Variants in MKX observed in about 807,000 individuals in gnomAD.
The protein encoded by MKX is mohawk homeobox, also known as homeobox protein Mohawk.
Under a neutral mutation model 36.0 loss-of-function variants are expected in MKX, and 13 were observed. The observed-to-expected ratio is 0.36, with a 90% CI of 0.24 to 0.57. The LOEUF is 0.57. Among genes scored for constraint, MKX ranks in the 20% least tolerant of loss-of-function variants. The pLI, the probability that MKX is intolerant of heterozygous loss-of-function variation, is 0.79. For synonymous variants in MKX, 176 were observed against 178.3 expected, an observed-to-expected ratio of 0.99 and a Z score of 0.10; for missense variants, 458 against 456.4, an observed-to-expected ratio of 1.00 and a Z score of -0.03.
chr10:27,701,669 AT>A (rs1162051282), intron 5 of MKX, among the ~76,000 whole-genome samples: 2 of 145,322 alleles, frequency 1.4e-5, no homozygotes, highest in Non-Finnish European at 3.0e-5. Flanking sequence ...TTAATATGTT[AT>A]TTTATATTGT....
At chr10:27,705,202 G>A (rs1401114651) in intron 5 of MKX, among the ~76,000 whole-genome samples, 5 of 151,758 alleles carry the variant, frequency 3.3e-5, no homozygotes, top group Non-Finnish European at 7.4e-5. Context: ...AACAGATTCC[G>A]GGCCTACAGA....
At chr10:27,706,474 G>T (rs1427189385) in intron 5 of MKX, among the ~76,000 whole-genome samples, 1 of 151,854 alleles carries the variant, frequency 6.6e-6, no homozygotes, top group African/African-American at 2.4e-5. Context: ...TTCCATAGCT[G>T]TGCCATTTAC....
At chr10:27,711,473 T>TC (rs1836859164) in intron 5 of MKX, among the ~76,000 whole-genome samples, 3 of 7,022 alleles carry the variant, frequency 4.3e-4, no homozygotes, top group African/African-American at 1.1e-3. Context: ...CTTTCTTTCT[T>TC]TCTTTCTTTC....
chr10:27,728,894 T>C (rs940003151), intron 5 of MKX, among the ~76,000 whole-genome samples: 10 of 152,340 alleles, frequency 6.6e-5, no homozygotes, highest in Admixed American at 5.2e-4. Context: ...TACATCCTTG[T>C]TCCTCTTTCC....
intron 5 of MKX, among the ~76,000 whole-genome samples, chr10:27,705,572 C>T (rs552165226): frequency 2.0e-4 from 30 of 152,250 alleles, no homozygotes; most frequent in African/African-American, 7.2e-4. Flanking sequence ...CCAGGCTGGT[C>T]TTGAACTCAT....
In MKX at chr10:27,742,687, G is replaced by A. The variant is rs1340040775; in HGVS notation, c.188+541C>T. The stretch of plus-strand genomic sequence containing the variant: ...CCGCAGGCCCGGGGCCTCCCCCTCC[G>A]GGTTCGCCGCGGGCCCAGCCGAGCC... On this transcript the variant is annotated intron_variant, in intron 2 of 6. Coordinates refer to ENST00000419761, the MANE Select transcript of MKX (RefSeq NM_173576.3). The surrounding 1 kb of genome is among the most constrained non-coding windows in gnomAD (Gnocchi z 4.2). Among the ~76,000 whole-genome samples, 5 of 151,200 alleles carry A rather than the reference G, an allele frequency of 3.3e-5. No individual in the cohort carries two copies. The highest frequency in any genetic ancestry group is 1.2e-4 in the African/African-American group (5 of 41,136).
intron 5 of MKX, among the ~76,000 whole-genome samples, chr10:27,714,828 C>T (rs921146630): frequency 2.6e-5 from 4 of 152,140 alleles, no homozygotes; most frequent in Non-Finnish European, 5.9e-5. Context: ...AGATGTAAAC[C>T]TTTTGTTTTT....
rs774780848 is a variant in MKX at position 27,741,498 on chromosome 10, C to T, written c.195G>A (p.Arg65=). Residue 65 remains arginine, a synonymous_variant, in exon 3 of 7, where the codon CGG becomes CGA. Coordinates refer to ENST00000419761, the MANE Select transcript of MKX (RefSeq NM_173576.3). The surrounding 1 kb of genome is among the most constrained non-coding windows in gnomAD (Gnocchi z 5.1). ...TGTGCCTCACCTTCCCGCCATTCTG[C>T]CGGGCGCTGGGACATGGGGAGAGGA... The part of the protein sequence containing the change: ...LGLRHRRTGA[R]QNGGKVRHKR... 3 of 1,591,440 alleles carry T rather than the reference C, an allele frequency of 1.9e-6. No individual in the cohort carries two copies. The East Asian group carries it at 6.9e-5, about 36-fold the overall frequency.
chr10:27,714,009 CAAAAA>C (rs10632508), intron 5 of MKX, among the ~76,000 whole-genome samples: 5 of 102,500 alleles, frequency 4.9e-5, no homozygotes, highest in African/African-American at 9.2e-5. Flanking sequence ...GTGCAAAGAC[CAAAAA>C]AAAAAAAAAA....
Position 27,735,326 on chromosome 10 carries a change from G to C in MKX, c.397C>G (p.Arg133Gly). 1 of 1,613,716 alleles carries C rather than the reference G, an allele frequency of 6.2e-7. No individual in the cohort carries two copies. Among genetic ancestry groups the C allele is most frequent in the Non-Finnish European group, 8.5e-7 (1 of 1,179,864 alleles). Residue 133 changes from arginine to glycine, a missense_variant, in exon 4 of 7, where the codon CGA (arginine) becomes GGA (glycine). Around this residue, in one of 3 missense-constraint regions of MKX, gnomAD observed 297 missense variants for 304.4 expected, o/e 0.98. Transcript: ENST00000419761. ...NARRRLKNTVRQPDLSWALRI... is the reference protein window; with the variant it reads ...NARRRLKNTVGQPDLSWALRI... ...AAAGCCCAGCTTAAATCTGGCTGTC[G>C]AACGGTATTCTTAAGCCGACGTCTT...
chr10:27,730,459 CT>C (rs11479538), intron 5 of MKX, among the ~76,000 whole-genome samples: 16,213 of 134,442 alleles, frequency 0.12, 1,955 homozygotes, highest in African/African-American at 0.33. Flanking sequence ...TTTCAACTGG[CT>C]TTTTTTTTTT....
intron 5 of MKX, among the ~76,000 whole-genome samples, chr10:27,691,827 A>G (rs2132510745): frequency 6.6e-6 from 1 of 152,282 alleles, no homozygotes; most frequent in African/African-American, 2.4e-5. Flanking sequence ...TTCCTGTGTT[A>G]ATTTGCTTAG....
intron 5 of MKX, among the ~76,000 whole-genome samples, chr10:27,705,417 C>T (rs769415948): frequency 3.9e-5 from 6 of 152,118 alleles, no homozygotes; most frequent in African/African-American, 1.2e-4. Flanking sequence ...TGCAGTGGCA[C>T]GGTCATACCT....
chr10:27,678,484 A>T (rs1252093598), intron 5 of MKX, among the ~76,000 whole-genome samples: 1 of 152,226 alleles, frequency 6.6e-6, no homozygotes, highest in Non-Finnish European at 1.5e-5. Context: ...TATGTAACTG[A>T]CACTCTGGCT....
chr10:27,684,319 A>G (rs1189777613), intron 5 of MKX, among the ~76,000 whole-genome samples: 3 of 151,112 alleles, frequency 2.0e-5, no homozygotes, highest in African/African-American at 7.3e-5. Flanking sequence ...TGTCTCAAAA[A>G]AGAAAAAAAT....
In MKX at chr10:27,734,631, G is replaced by A. The variant is rs768306454; in HGVS notation, c.663C>T (p.Ser221=). The stretch of plus-strand genomic sequence containing the variant: ...AGTCATTAAGGTAACGGTTCAACAA[G>A]CTGCTCTTGTATTTGGGGGGTGCCA... ...DYVAPPKYKS[S]LLNRYLNDSL... is the part of the protein sequence containing the mutation. Residue 221 remains serine (S), a synonymous_variant, in exon 5 of 7, where the codon AGC becomes AGT. Transcript: ENST00000419761. 1.4e-5 allele frequency: 23 copies of A among 1,614,016 alleles called. No individual in the cohort carries two copies. The highest frequency in any genetic ancestry group is 1.9e-5 in the Non-Finnish European group (23 of 1,180,018).
intron 5 of MKX, among the ~76,000 whole-genome samples, chr10:27,690,885 T>C (rs980888641): frequency 1.3e-5 from 2 of 152,070 alleles, no homozygotes; most frequent in Non-Finnish European, 2.9e-5. Flanking sequence ...CAGTGAGAGG[T>C]GATCAGATCA....
chr10:27,685,746 G>A (rs918885016), intron 5 of MKX, among the ~76,000 whole-genome samples: 8 of 152,222 alleles, frequency 5.3e-5, no homozygotes, highest in African/African-American at 1.9e-4. Flanking sequence ...CACCACACCC[G>A]GCCCAGTAGA....
chr10:27,675,014 T>C lies in MKX; in HGVS notation c.*215A>G. On this transcript the variant is annotated 3_prime_UTR_variant, in exon 7 of 7. Transcript: ENST00000419761. ...GTAATGCAGATGTTTTATGCATAGT[T>C]TGAGTAACATAAAATAAGTTAATAT... is the stretch of plus-strand genomic sequence containing the variant. The C allele has an allele frequency of 2.2e-6, 1 of 451,004 alleles. No individual in the cohort carries two copies. The highest frequency in any genetic ancestry group is 3.9e-6 in the Non-Finnish European group (1 of 256,198). The allele number at this position is 451,004 out of a possible 1,614,324, so 27.9% of individuals were successfully genotyped here.
Sources: gnomAD v4.1 joint callset for allele counts (sites outside exome capture counted in the v4.1 genomes callset) on GRCh38, gnomAD v4.1.1 for gene constraint, gnomAD v4.1.1 regional missense constraint, Gnocchi (gnomAD v3.1) non-coding constraint, MANE v1.5 for transcripts, NCBI Gene and HGNC (gene_info 2026-07-23, HGNC 2026-07-21) for gene names.